Variants in FGF12 observed in about 807,000 individuals in gnomAD.
FGF12 encodes fibroblast growth factor 12, also known as fibroblast growth factor 12B.
In FGF12, 14 loss-of-function variants were observed where a neutral mutation model predicts 23.6. That is an observed-to-expected ratio of 0.59 (90% CI 0.39 to 0.93). The LOEUF is 0.93. Ranked by LOEUF, FGF12 falls within the 40% of genes least tolerant of loss-of-function variation. FGF12 has a pLI of 0.00. For synonymous variants in FGF12, 62 were observed against 77.3 expected (o/e 0.80, Z 1.04); for missense variants, 175 against 217.8 (o/e 0.80, Z 1.24).
At chr3:192,246,958 AAG>A (rs1323523745) in intron 4 of FGF12, among the ~76,000 whole-genome samples, 2 of 148,776 alleles carry the variant, frequency 1.3e-5, no homozygotes, top group Non-Finnish European at 3.0e-5. Flanking sequence ...AAGAAAAGGA[AAG>A]AGAGGGAGGG....
chr3:192,269,583 T>G (rs1713297753), intron 4 of FGF12, among the ~76,000 whole-genome samples: 1 of 152,148 alleles, frequency 6.6e-6, no homozygotes, highest in Non-Finnish European at 1.5e-5. Flanking sequence ...CCTTCAAAAG[T>G]GTTTGGCACA....
At chr3:192,686,977 C>T (rs1398284661) in intron 2 of FGF12, among the ~76,000 whole-genome samples, 8 of 150,606 alleles carry the variant, frequency 5.3e-5, no homozygotes, top group Non-Finnish European at 7.4e-5. Flanking sequence ...TACAGGCACC[C>T]GCCACCACAA....
At chr3:192,476,886 G>C in intron 2 of FGF12, among the ~76,000 whole-genome samples, 1 of 152,164 alleles carries the variant, frequency 6.6e-6, no homozygotes, top group East Asian at 1.9e-4. Flanking sequence ...CCATATACAA[G>C]CAAGTATCTG....
intron 4 of FGF12, among the ~76,000 whole-genome samples, chr3:192,185,898 G>A (rs542222028): frequency 6.6e-6 from 1 of 151,342 alleles, no homozygotes; most frequent in East Asian, 1.9e-4. Context: ...TAATGGATCA[G>A]TAGCCTAAAA....
At chr3:192,162,180 T>C (rs943932484) in intron 5 of FGF12, among the ~76,000 whole-genome samples, 1 of 152,148 alleles carries the variant, frequency 6.6e-6, no homozygotes, top group Non-Finnish European at 1.5e-5. Context: ...ATTGTCTTAA[T>C]AGCAGATCAT....
intron 2 of FGF12, among the ~76,000 whole-genome samples, chr3:192,544,791 T>A (rs994038773): frequency 1.3e-5 from 2 of 152,168 alleles, no homozygotes; most frequent in Non-Finnish European, 2.9e-5. Flanking sequence ...TCATTCCAGG[T>A]CTAGCCCACA....
At chr3:192,416,747 C>A (rs565257763) in intron 2 of FGF12, among the ~76,000 whole-genome samples, 2 of 152,158 alleles carry the variant, frequency 1.3e-5, no homozygotes, top group Non-Finnish European at 1.5e-5. Flanking sequence ...TTACATAAAA[C>A]AATATTCCCC....
intron 4 of FGF12, among the ~76,000 whole-genome samples, chr3:192,199,044 T>C (rs1341335513): frequency 6.6e-6 from 1 of 152,240 alleles, no homozygotes; most frequent in Non-Finnish European, 1.5e-5. Flanking sequence ...ATTTAGCTCT[T>C]CTCAGCACCG....
At chr3:192,187,591 CA>C (rs1022884164) in intron 4 of FGF12, among the ~76,000 whole-genome samples, 6 of 152,080 alleles carry the variant, frequency 3.9e-5, no homozygotes, top group African/African-American at 1.4e-4. Flanking sequence ...TTTTTGCAGT[CA>C]AAGAATTTGC....
chr3:192,613,926 A>AT (rs1248126722), intron 2 of FGF12, among the ~76,000 whole-genome samples: 2 of 151,922 alleles, frequency 1.3e-5, no homozygotes, highest in African/African-American at 4.8e-5. Flanking sequence ...AAATTAATTC[A>AT]TTTATCAGTG....
chr3:192,720,130 T>G (rs1211476535), intron 2 of FGF12, among the ~76,000 whole-genome samples: 1 of 152,254 alleles, frequency 6.6e-6, no homozygotes, highest in Non-Finnish European at 1.5e-5. Context: ...TTTGGGTTGC[T>G]TCTCAGGCTA....
chr3:192,551,994 T>C (rs1476766772), intron 2 of FGF12, among the ~76,000 whole-genome samples: 2 of 152,052 alleles, frequency 1.3e-5, no homozygotes, highest in Admixed American at 6.6e-5. Context: ...GAGATATATA[T>C]GTAGAGATAT....
At chr3:192,293,919 C>A (rs947988778) in intron 4 of FGF12, among the ~76,000 whole-genome samples, 6 of 152,100 alleles carry the variant, frequency 3.9e-5, no homozygotes, top group Non-Finnish European at 8.8e-5. Flanking sequence ...ATAGATGAGG[C>A]TGTCTGTCTG....
At chr3:192,368,344 T>A (rs1479224476) in intron 2 of FGF12, among the ~76,000 whole-genome samples, 1 of 152,012 alleles carries the variant, frequency 6.6e-6, no homozygotes, top group African/African-American at 2.4e-5. Flanking sequence ...ATGTAAACAA[T>A]AAAGTATATA....
chr3:192,483,574 A>G (rs1250705571), intron 2 of FGF12, among the ~76,000 whole-genome samples: 1 of 152,222 alleles, frequency 6.6e-6, no homozygotes, highest in South Asian at 2.1e-4. Flanking sequence ...CGAAAATAAT[A>G]GAAGGAGAAA....
intron 5 of FGF12, among the ~76,000 whole-genome samples, chr3:192,158,427 CT>C (rs1431641628): frequency 1.3e-4 from 17 of 127,068 alleles, no homozygotes; most frequent in Admixed American, 6.3e-4. Context: ...CTTTCTTTTT[CT>C]TTTTTCTTTC....
chr3:192,415,473 A>G (rs1198058139), intron 2 of FGF12, among the ~76,000 whole-genome samples: 1 of 152,128 alleles, frequency 6.6e-6, no homozygotes, highest in Non-Finnish European at 1.5e-5. Flanking sequence ...TGAGCCAAAT[A>G]GATGCATGGG....
chr3:192,379,174 A>C (rs1209684876), intron 2 of FGF12, among the ~76,000 whole-genome samples: 2 of 152,170 alleles, frequency 1.3e-5, no homozygotes, highest in East Asian at 3.8e-4. Flanking sequence ...ATTTAGGTCG[A>C]TTGTATGACT....
chr3:192,412,283 A>G (rs973567216), intron 2 of FGF12, among the ~76,000 whole-genome samples: 2 of 152,286 alleles, frequency 1.3e-5, no homozygotes, highest in African/African-American at 2.4e-5. Flanking sequence ...CTGTAGGTTT[A>G]TGAGATATGA....
Sources: gnomAD v4.1 joint callset for allele counts (sites outside exome capture counted in the v4.1 genomes callset) on GRCh38, gnomAD v4.1.1 for gene constraint, MANE v1.5 for transcripts, NCBI Gene and HGNC (gene_info 2026-07-23, HGNC 2026-07-21) for gene names.